Variants in GRID1 observed in about 807,000 individuals in gnomAD.
The protein encoded by GRID1 is glutamate ionotropic receptor delta type subunit 1, also known as glutamate receptor ionotropic, delta-1.
GRID1 carries 28 observed loss-of-function variants against 98.0 expected under a neutral mutation model. The ratio of observed to expected loss-of-function variants is 0.29; its 90% confidence interval spans 0.21 to 0.39. The LOEUF (loss-of-function observed/expected upper bound fraction) is 0.39. Among genes scored for constraint, GRID1 ranks in the 10% least tolerant of loss-of-function variants. GRID1 has a pLI of 1.00. For missense variants in GRID1, 1,111 were observed against 1,340.5 expected, an observed-to-expected ratio of 0.83 and a Z score of 2.67; for synonymous variants, 553 against 538.5, an observed-to-expected ratio of 1.03 and a Z score of -0.37.
chr10:85,640,516 C>T (rs553695288), intron 13 of GRID1, among the ~76,000 whole-genome samples: 4 of 152,326 alleles, frequency 2.6e-5, no homozygotes, highest in Middle Eastern at 3.4e-3. Flanking sequence ...ATATAAGCCT[C>T]GCCCTACTTC....
At chr10:86,360,680 C>T (rs1282214223) in intron 2 of GRID1, among the ~76,000 whole-genome samples, 2 of 152,172 alleles carry the variant, frequency 1.3e-5, no homozygotes, top group African/African-American at 2.4e-5. Flanking sequence ...TTACAGAACA[C>T]CCACCGCAGG....
intron 4 of GRID1, among the ~76,000 whole-genome samples, chr10:86,049,996 T>C (rs1843479077): frequency 6.6e-6 from 1 of 152,218 alleles, no homozygotes; most frequent in Non-Finnish European, 1.5e-5. Flanking sequence ...TTTCTGATCA[T>C]CCATCTTTGT....
intron 2 of GRID1, among the ~76,000 whole-genome samples, chr10:86,237,811 C>A (rs1241671796): frequency 1.3e-5 from 2 of 152,128 alleles, no homozygotes; most frequent in African/African-American, 4.8e-5. Flanking sequence ...CTGAGGCCTA[C>A]CTTAGTCATG....
rs552496860 is a variant in GRID1, at chr10:86,176,503, G to C, written c.520+29861C>G. Among the ~76,000 whole-genome samples the C allele has an allele frequency of 4.6e-5, 7 of 152,358 alleles. No individual in the cohort carries two copies. In the South Asian group the frequency reaches 1.4e-3, roughly 32 times the overall value. The stretch of plus-strand genomic sequence containing the variant: ...AAGGAGCAGCCTGTGCATGCGCTGA[G>C]AGCTAAAGCAGTTCAGCACTGCCGG... On this transcript the variant is annotated intron_variant, in intron 3 of 15. Transcript: ENST00000327946.
chr10:85,969,111 T>A (rs893968012), intron 4 of GRID1, among the ~76,000 whole-genome samples: 3 of 152,168 alleles, frequency 2.0e-5, no homozygotes, highest in Non-Finnish European at 4.4e-5. Context: ...CATTTTATAA[T>A]GATAAAGTGT....
intron 2 of GRID1, among the ~76,000 whole-genome samples, chr10:86,329,121 T>C (rs1848099777): frequency 6.6e-6 from 1 of 152,200 alleles, no homozygotes; most frequent in African/African-American, 2.4e-5. Context: ...TCCGCCAGCA[T>C]TGCCTCCCAC....
At chr10:86,107,735 G>A (rs1844412880) in intron 4 of GRID1, among the ~76,000 whole-genome samples, 1 of 152,188 alleles carries the variant, frequency 6.6e-6, no homozygotes, top group Non-Finnish European at 1.5e-5. Flanking sequence ...GAACACACAG[G>A]TGGCTGGACA....
intron 2 of GRID1, among the ~76,000 whole-genome samples, chr10:86,241,966 C>T (rs569780108): frequency 6.6e-6 from 1 of 152,372 alleles, no homozygotes; most frequent in South Asian, 2.1e-4. Context: ...ACCCCACCCT[C>T]AGGGGAATCC....
intron 8 of GRID1, among the ~76,000 whole-genome samples, chr10:85,778,807 T>C (rs1842356408): frequency 1.3e-5 from 2 of 152,308 alleles, no homozygotes; most frequent in African/African-American, 2.4e-5. Flanking sequence ...TCAGACCCTA[T>C]TTCCAGTCTG....
intron 2 of GRID1, among the ~76,000 whole-genome samples, chr10:86,222,014 G>GCA (rs1183616706): frequency 8.5e-5 from 13 of 152,290 alleles, no homozygotes; most frequent in African/African-American, 2.9e-4. Flanking sequence ...GCCAGCTAAA[G>GCA]CATGGGGGGA....
chr10:86,123,440 A>G (rs1257637857), intron 4 of GRID1, among the ~76,000 whole-genome samples: 1 of 152,194 alleles, frequency 6.6e-6, no homozygotes, highest in Non-Finnish European at 1.5e-5. Context: ...GCCAGTGTGG[A>G]AACAGGCAGA....
chr10:85,765,673 G>C (rs984480994), intron 8 of GRID1, among the ~76,000 whole-genome samples: 1 of 152,130 alleles, frequency 6.6e-6, no homozygotes, highest in Non-Finnish European at 1.5e-5. Context: ...CCATCCCCAA[G>C]ATATCACATT....
chr10:85,885,454 A>G (rs2131806149), intron 5 of GRID1, among the ~76,000 whole-genome samples: 1 of 152,342 alleles, frequency 6.6e-6, no homozygotes, highest in Admixed American at 6.5e-5. Flanking sequence ...GGATTTTCAA[A>G]GAAGCCTTTA....
At chr10:86,122,287 TC>T (rs1315260606) in intron 4 of GRID1, among the ~76,000 whole-genome samples, 2 of 152,052 alleles carry the variant, frequency 1.3e-5, no homozygotes, top group African/African-American at 4.8e-5. Flanking sequence ...CCCCAACTGT[TC>T]CCCGCTCCCT....
intron 8 of GRID1, among the ~76,000 whole-genome samples, chr10:85,840,445 C>G (rs1265685060): frequency 6.6e-6 from 1 of 152,144 alleles, no homozygotes; most frequent in African/African-American, 2.4e-5. Flanking sequence ...GATGCGCTCT[C>G]TCACCACTTC....
intron 8 of GRID1, among the ~76,000 whole-genome samples, chr10:85,822,952 A>C (rs1027825621): frequency 2.0e-5 from 3 of 152,128 alleles, no homozygotes; most frequent in African/African-American, 7.2e-5. Flanking sequence ...AAAACCAAAC[A>C]CCATATGTTC....
chr10:85,679,719 C>T (rs770387555), intron 12 of GRID1, among the ~76,000 whole-genome samples: 3 of 152,130 alleles, frequency 2.0e-5, no homozygotes, highest in Non-Finnish European at 4.4e-5. Flanking sequence ...GAGAAAATAC[C>T]ATCCTGCTAG....
intron 2 of GRID1, among the ~76,000 whole-genome samples, chr10:86,234,145 G>A (rs778017984): frequency 4.6e-5 from 7 of 152,168 alleles, no homozygotes; most frequent in Non-Finnish European, 1.0e-4. Context: ...TCTGTTCAGG[G>A]TCTGTTTGCT....
At chr10:86,095,207 A>G (rs1844204080) in intron 4 of GRID1, among the ~76,000 whole-genome samples, 1 of 152,248 alleles carries the variant, frequency 6.6e-6, no homozygotes, top group African/African-American at 2.4e-5. Context: ...AATCAACTCA[A>G]GATGGATTAA....
Sources: gnomAD v4.1 joint callset for allele counts (sites outside exome capture counted in the v4.1 genomes callset) on GRCh38, gnomAD v4.1.1 for gene constraint, MANE v1.5 for transcripts, NCBI Gene and HGNC (gene_info 2026-07-23, HGNC 2026-07-21) for gene names.